Variants in VPS29 observed in about 807,000 individuals in gnomAD.
The protein encoded by VPS29 is vacuolar protein sorting-associated protein 29.
Under a neutral mutation model 20.0 loss-of-function variants are expected in VPS29, and 2 were observed. The observed-to-expected ratio is 0.10, with a 90% confidence interval of 0.04 to 0.31. The LOEUF (loss-of-function observed/expected upper bound fraction) is 0.31, where lower values mean the gene tolerates loss of function less well. VPS29 is among the 10% of genes least tolerant of loss of function. VPS29 has a pLI of 1.00. For missense variants in VPS29, 120 were observed against 215.3 expected, an observed-to-expected ratio of 0.56 and a Z score of 2.77; for synonymous variants, 81 against 79.3, an observed-to-expected ratio of 1.02 and a Z score of -0.12.
At chr12:110,497,702 C>T (rs987562674) in intron 1 of VPS29, among the ~76,000 whole-genome samples, 60 of 151,644 alleles carry the variant, frequency 4.0e-4, no homozygotes, top group African/African-American at 1.4e-3. Flanking sequence ...ACCAGCCTGG[C>T]CAACATGGTA....
intron 1 of VPS29, chr12:110,501,720 G>T: frequency 8.0e-7 from 1 of 1,254,126 alleles, no homozygotes; most frequent in Non-Finnish European, 1.1e-6. Flanking sequence ...CCTATCCCCG[G>T]AACATTCGAG....
chr12:110,501,409 A>AATCCT, intron 1 of VPS29: 1 of 1,535,430 alleles, frequency 6.5e-7, no homozygotes, highest in Non-Finnish European at 8.7e-7. Flanking sequence ...ATCATTAAGG[A>AATCCT]ATCCTACCCT....
At chr12:110,500,799 A>G (rs1333110814) in intron 1 of VPS29, among the ~76,000 whole-genome samples, 1 of 151,538 alleles carries the variant, frequency 6.6e-6, no homozygotes, top group Non-Finnish European at 1.5e-5. Flanking sequence ...GTGAAGAGCG[A>G]AAGAACAAAG....
chr12:110,495,902 GAA>G (rs796464554), intron 2 of VPS29, 108 bp downstream of exon 2: 274 of 822,086 alleles, frequency 3.3e-4, no homozygotes, highest in South Asian at 7.2e-4. Flanking sequence ...AAGAAAAAGG[GAA>G]AAAAAAAAAA....
At chr12:110,494,841 TC>T (rs2062877076) in intron 2 of VPS29, among the ~76,000 whole-genome samples, 1 of 152,128 alleles carries the variant, frequency 6.6e-6, no homozygotes, top group African/African-American at 2.4e-5. Flanking sequence ...TGCCTCAGCC[TC>T]CCAAGTAGCT....
At chr12:110,501,968 C>T (rs1593013348) in intron 1 of VPS29, 81 bp downstream of exon 1, 1 of 1,611,908 alleles carries the variant, frequency 6.2e-7, no homozygotes, top group East Asian at 2.2e-5. Flanking sequence ...CAATTCCTCG[C>T]CCTCGGCCTC....
chr12:110,498,870 T>C lies in VPS29; in HGVS notation c.4-2667A>G, dbSNP rs1389204400. The C allele has an allele frequency of 6.1e-6, 6 of 979,766 alleles. No homozygotes were observed. The African/African-American group carries it at 7.0e-5, about 11-fold the overall frequency. The allele number at this position is 979,766 out of a possible 1,614,324, so 60.7% of individuals were successfully genotyped here. A position where few individuals can be genotyped will look rare whatever the true frequency, so the allele number is the denominator to read the frequency against. On this transcript the variant is annotated intron_variant, in intron 1 of 3. Transcript: ENST00000549578. ...AGAGGGGGATTCCTTCTGATATGGA[T>C]TGAAGTACATAGTTAGTATGGGAAT...
chr12:110,501,612 G>A (rs1354144656), intron 1 of VPS29: 41 of 1,534,588 alleles, frequency 2.7e-5, no homozygotes, highest in Non-Finnish European at 3.6e-5. Context: ...TTCCTGTTCT[G>A]CATTCGAGAG....
chr12:110,500,012 TG>T (rs1300529015), intron 1 of VPS29, among the ~76,000 whole-genome samples: 1 of 152,244 alleles, frequency 6.6e-6, no homozygotes, highest in Admixed American at 6.5e-5. Context: ...AGTATATGGA[TG>T]TTAATTATCT....
chr12:110,498,178 G>A (rs964193267), intron 1 of VPS29, among the ~76,000 whole-genome samples: 1 of 151,918 alleles, frequency 6.6e-6, no homozygotes, highest in African/African-American at 2.4e-5. Context: ...CACCGTGTTG[G>A]CCAGGCTGGT....
At chr12:110,492,915 CAGCCACATTTCTTTT>C (rs1473517320) in intron 3 of VPS29, 66 bp downstream of exon 3, 44 of 1,304,234 alleles carry the variant, frequency 3.4e-5, no homozygotes, top group Non-Finnish European at 4.3e-5. Context: ...CCACTGTGCC[CAGCCACATTTCTTTT>C]ACGAAATGTC....
At chr12:110,495,433 G>A (rs1472901967) in intron 2 of VPS29, among the ~76,000 whole-genome samples, 2 of 152,188 alleles carry the variant, frequency 1.3e-5, no homozygotes, top group African/African-American at 2.4e-5. Context: ...AAACTTGGCT[G>A]AGTGTGGTGG....
At chr12:110,495,365 G>A (rs943351091) in intron 2 of VPS29, among the ~76,000 whole-genome samples, 58 of 152,298 alleles carry the variant, frequency 3.8e-4, no homozygotes, top group African/African-American at 1.4e-3. Context: ...TGATACAGTG[G>A]CTTGGAATAA....
At position 110,496,213 on chromosome 12, in the gene VPS29, G is replaced by A. The variant is rs749085147; in HGVS notation, c.4-10C>T. 46 of 1,591,630 alleles carry A rather than the reference G, an allele frequency of 2.9e-5. No homozygotes were observed. The South Asian group carries it at 2.9e-4, about 10-fold the overall frequency. On this transcript the variant is annotated splice_polypyrimidine_tract_variant and intron_variant, in intron 1 of 3. Transcript: ENST00000549578. ...CTAATACCAACACCAACTTTAAAGT[G>A]TCAAGGTGAGATAAAGCATAATGTT...
intron 1 of VPS29, among the ~76,000 whole-genome samples, chr12:110,497,661 T>C (rs1565862373): frequency 6.6e-6 from 1 of 151,440 alleles, no homozygotes; most frequent in South Asian, 2.1e-4. Flanking sequence ...GAGGCCGAGG[T>C]GGGCAGAATA....
intron 1 of VPS29, chr12:110,501,837 C>T (rs1415364533): frequency 1.6e-6 from 2 of 1,281,098 alleles, no homozygotes; most frequent in African/African-American, 1.5e-5. Flanking sequence ...CCCTTGGGGC[C>T]GGGATACGAG....
intron 2 of VPS29, among the ~76,000 whole-genome samples, chr12:110,495,344 A>T (rs1174401517): frequency 6.6e-6 from 1 of 152,220 alleles, no homozygotes; most frequent in Non-Finnish European, 1.5e-5. Context: ...GGAAGTTGGA[A>T]TACAAGAAAA....
At chr12:110,497,708 T>G (rs2062931136) in intron 1 of VPS29, among the ~76,000 whole-genome samples, 1 of 151,538 alleles carries the variant, frequency 6.6e-6, no homozygotes, top group African/African-American at 2.4e-5. Context: ...CTGGCCAACA[T>G]GGTAAAACAC....
chr12:110,495,548 T>TA (rs963664118), intron 2 of VPS29, among the ~76,000 whole-genome samples: 123 of 146,006 alleles, frequency 8.4e-4, no homozygotes, highest in Admixed American at 1.8e-3. Flanking sequence ...CCATCTCTAC[T>TA]AAAAAAAAAA....
Sources: allele counts gnomAD v4.1 joint callset (sites outside exome capture counted in the v4.1 genomes callset), GRCh38; gene constraint gnomAD v4.1.1; transcripts MANE v1.5; gene names NCBI Gene and HGNC (gene_info 2026-07-23, HGNC 2026-07-21).